The following EFCAB6 variants were observed in gnomAD, a reference collection of about 807,000 sequenced individuals.
EFCAB6 encodes EF-hand calcium binding domain 6.
Under a neutral mutation model 169.8 loss-of-function variants are expected in EFCAB6, and 156 were observed. The observed-to-expected ratio is 0.92, with a 90% confidence interval of 0.81 to 1.05. EFCAB6 has a LOEUF of 1.05. EFCAB6 is among the 50% of genes least tolerant of loss of function. The probability of loss-of-function intolerance (pLI) is 0.00; values close to 1 mark genes in which losing one functional copy is unlikely to be tolerated. For synonymous variants in EFCAB6, 698 were observed against 676.4 expected (o/e 1.03, Z -0.50); for missense variants, 1,800 against 1,829.1 (o/e 0.98, Z 0.29).
intron 24 of EFCAB6, among the ~76,000 whole-genome samples, chr22:43,584,199 G>A (rs1417227044): frequency 6.6e-6 from 1 of 152,198 alleles, no homozygotes; most frequent in African/African-American, 2.4e-5. Context: ...GAAGGAGTGG[G>A]GAAAGTGGCA....
intron 5 of EFCAB6, among the ~76,000 whole-genome samples, chr22:43,764,941 A>C (rs1446873079): frequency 1.3e-5 from 2 of 152,226 alleles, no homozygotes; most frequent in Non-Finnish European, 2.9e-5. Flanking sequence ...ACAACATTAA[A>C]AATGTATAAA....
chr22:43,620,118 G>C (rs577529243), intron 20 of EFCAB6, among the ~76,000 whole-genome samples: 1 of 152,276 alleles, frequency 6.6e-6, no homozygotes, highest in South Asian at 2.1e-4. Context: ...AGGAGTTCGA[G>C]ACCAGCATGG....
chr22:43,661,075 T>C (rs945154084), intron 17 of EFCAB6, among the ~76,000 whole-genome samples: 1 of 152,164 alleles, frequency 6.6e-6, no homozygotes, highest in Non-Finnish European at 1.5e-5. Flanking sequence ...ATAACACATT[T>C]AAAAATATAC....
chr22:43,569,122 G>T (rs1252999155), intron 26 of EFCAB6, among the ~76,000 whole-genome samples: 1 of 152,224 alleles, frequency 6.6e-6, no homozygotes, highest in Non-Finnish European at 1.5e-5. Context: ...GGGAACCGGG[G>T]TTGGAGGGGG....
chr22:43,589,280 C>CAAAAAAAAAA (rs1163346832), intron 24 of EFCAB6, among the ~76,000 whole-genome samples: 27 of 80,934 alleles, frequency 3.3e-4, no homozygotes, highest in Non-Finnish European at 5.0e-4. Flanking sequence ...GACTTCATGT[C>CAAAAAAAAAA]AAAAAAAAAA....
At chr22:43,669,631 A>G (rs1313964704) in intron 15 of EFCAB6, among the ~76,000 whole-genome samples, 1 of 152,196 alleles carries the variant, frequency 6.6e-6, no homozygotes, top group African/African-American at 2.4e-5. Flanking sequence ...AAAATATTTG[A>G]TATCTTGATT....
intron 17 of EFCAB6, among the ~76,000 whole-genome samples, chr22:43,644,932 A>G (rs985941515): frequency 2.0e-5 from 3 of 152,242 alleles, no homozygotes; most frequent in Admixed American, 1.3e-4. Flanking sequence ...AGTGTTCCAC[A>G]TAACTTCTTA....
At chr22:43,703,277 C>T (rs1361557297) in intron 10 of EFCAB6, among the ~76,000 whole-genome samples, 3 of 152,204 alleles carry the variant, frequency 2.0e-5, no homozygotes, top group Non-Finnish European at 2.9e-5. Flanking sequence ...CCATCTAGAA[C>T]ACCCAAAAGC....
At chr22:43,797,407 T>C (rs932775463) in intron 2 of EFCAB6, 2 of 152,592 alleles carry the variant, frequency 1.3e-5, no homozygotes, top group African/African-American at 4.8e-5. Context: ...ATTTTCTTAT[T>C]CGGCCTATGC....
At chr22:43,658,692 T>TCTGGC (rs1453746200) in intron 17 of EFCAB6, among the ~76,000 whole-genome samples, 3 of 152,042 alleles carry the variant, frequency 2.0e-5, no homozygotes, top group African/African-American at 7.2e-5. Flanking sequence ...GCCAAGAGAA[T>TCTGGC]CTGGCCGTGT....
intron 27 of EFCAB6, chr22:43,552,933 G>A (rs191501110): frequency 2.0e-5 from 3 of 152,252 alleles, no homozygotes; most frequent in Admixed American, 1.3e-4. Flanking sequence ...GAGTTTGCTC[G>A]GCTTTGACGT....
chr22:43,580,174 C>T (rs1020294977), intron 25 of EFCAB6, among the ~76,000 whole-genome samples: 2 of 152,132 alleles, frequency 1.3e-5, no homozygotes, highest in East Asian at 1.9e-4. Flanking sequence ...TCCCAGGATG[C>T]GCTGAGCCCA....
intron 16 of EFCAB6, among the ~76,000 whole-genome samples, chr22:43,668,190 T>C (rs1216427103): frequency 6.6e-6 from 1 of 152,214 alleles, no homozygotes; most frequent in Non-Finnish European, 1.5e-5. Flanking sequence ...CCATTGCTCT[T>C]TACTTAAGAA....
rs2047020801 is a variant in EFCAB6, at chr22:43,530,947, C to T, written c.4251G>A (p.Glu1417=). The part of the protein sequence containing the change: ...NAHKMKEAGA[E]TPSFYSALLR... ...GCAGAGCAGAGTAAAAAGATGGCGT[C>T]TCCGCGCCGGCTTCTTTCTAGACAC... The change falls in exon 31 of 32, where the codon GAG becomes GAA. Residue 1417 remains glutamate (E), a synonymous_variant. Coordinates refer to ENST00000262726, the MANE Select transcript of EFCAB6 (RefSeq NM_022785.4). 1 of 1,614,156 alleles carries T rather than the reference C, an allele frequency of 6.2e-7. No individual in the cohort carries two copies. The highest frequency in any genetic ancestry group is 8.5e-7 in the Non-Finnish European group (1 of 1,180,028).
chr22:43,707,996 G>A (rs150699714), intron 10 of EFCAB6, among the ~76,000 whole-genome samples: 85 of 148,464 alleles, frequency 5.7e-4, no homozygotes, highest in Non-Finnish European at 1.0e-3. Context: ...TTTAGAACAC[G>A]TGAAAATTTT....
chr22:43,540,971 A>G (rs911463405), intron 27 of EFCAB6, among the ~76,000 whole-genome samples: 10 of 125,976 alleles, frequency 7.9e-5, no homozygotes, highest in African/African-American at 2.9e-4. Flanking sequence ...ATGAAGATAG[A>G]AAAAAAAATG....
rs1399952680 is a variant in EFCAB6 at position 43,744,527 on chromosome 22, G to A, written c.508-8534C>T. On this transcript the variant is annotated intron_variant, in intron 6 of 31. Coordinates refer to ENST00000262726, the MANE Select transcript of EFCAB6 (RefSeq NM_022785.4). This position sits in a 1 kb window ranked among gnomAD's most constrained non-coding sequence, Gnocchi z 4.3. ...CATGGGTTAAGAGGACACCATGACA[G>A]GTAGAAATCTTGAGCTGTCCTGTTC... is the stretch of plus-strand genomic sequence containing the variant. Among the ~76,000 whole-genome samples, 1 of 152,152 alleles carries A rather than the reference G, an allele frequency of 6.6e-6. No homozygotes were observed. Among genetic ancestry groups the A allele is most frequent in the Non-Finnish European group, 1.5e-5 (1 of 68,028 alleles).
chr22:43,733,751 C>T (rs572289133), intron 7 of EFCAB6, among the ~76,000 whole-genome samples: 1 of 152,174 alleles, frequency 6.6e-6, no homozygotes, highest in South Asian at 2.1e-4. Flanking sequence ...GCTCTGTTGC[C>T]AGGCTGGAGT....
At position 43,534,905 on chromosome 22, in the gene EFCAB6, G is replaced by A. The variant is rs181535292; in HGVS notation, c.4049-33C>T. ...AAAAAATGGCAGTTCAATTGGTGGC[G>A]ATTCATTCATTCATTCATTCTTCAC... is the stretch of plus-strand genomic sequence containing the variant. On this transcript the variant is annotated intron_variant, in intron 29 of 31. Transcript: ENST00000262726. 247 of 1,572,542 alleles carry A rather than the reference G, an allele frequency of 1.6e-4. No individual in the cohort carries two copies. The East Asian group carries it at 3.6e-3, about 23-fold the overall frequency.
Sources: gnomAD v4.1 joint callset for allele counts (sites outside exome capture counted in the v4.1 genomes callset) on GRCh38, gnomAD v4.1.1 for gene constraint, Gnocchi (gnomAD v3.1) non-coding constraint, MANE v1.5 for transcripts, NCBI Gene and HGNC (gene_info 2026-07-23, HGNC 2026-07-21) for gene names.